SMC5: variants seen among roughly 807,000 people sequenced by gnomAD.
SMC5 encodes structural maintenance of chromosomes protein 5.
A neutral mutation model predicts 148.3 loss-of-function variants in SMC5; 88 were observed. The observed-to-expected ratio is 0.59, with a 90% CI of 0.50 to 0.71. The LOEUF is 0.71. Among genes scored for constraint, SMC5 ranks in the 30% least tolerant of loss-of-function variants. SMC5 has a pLI of 0.00. For synonymous variants in SMC5, 421 were observed against 432.8 expected (o/e 0.97, Z 0.34); for missense variants, 1,142 against 1,298.9 (o/e 0.88, Z 1.86).
chr9:70,271,941 A>T (rs1482281949), intron 3 of SMC5, among the ~76,000 whole-genome samples: 1 of 152,250 alleles, frequency 6.6e-6, no homozygotes. Context: ...GTTGGCATTT[A>T]TTCTGCATAA....
chr9:70,272,541 C>T (rs2034480957), intron 3 of SMC5, among the ~76,000 whole-genome samples: 1 of 151,974 alleles, frequency 6.6e-6, no homozygotes, highest in South Asian at 2.1e-4. Context: ...AGCGAGACTC[C>T]ATCTCCACAC....
At chr9:70,292,862 G>T (rs1449047552) in intron 8 of SMC5, among the ~76,000 whole-genome samples, 1 of 152,092 alleles carries the variant, frequency 6.6e-6, no homozygotes, top group Non-Finnish European at 1.5e-5. Context: ...CCACTTGGTT[G>T]TGGTGTATAA....
chr9:70,296,157 C>A (rs1311070005), intron 8 of SMC5, among the ~76,000 whole-genome samples: 1 of 151,986 alleles, frequency 6.6e-6, no homozygotes, highest in Non-Finnish European at 1.5e-5. Flanking sequence ...TGTGGTATAT[C>A]CATATCAGAG....
rs759785349 is a variant in SMC5, at chr9:70,318,842, C to T, written c.2029C>T (p.Arg677Cys). The T allele has an allele frequency of 1.1e-5, 18 of 1,607,010 alleles. No individual in the cohort carries two copies. The highest frequency in any genetic ancestry group is 1.7e-4 in the Middle Eastern group (1 of 5,938). ...QAVDSGLIALRETSKHLEHKD... is the reference protein window; with the variant it reads ...QAVDSGLIALCETSKHLEHKD... ...AGTGGATTCAGGGTTGATTGCCTTA[C>T]GTGAAACAAGCAAACATCTGGAGCA... Residue 677 changes from arginine (R) to cysteine (C), a missense_variant, in exon 15 of 25, where the codon CGT becomes TGT. Physicochemically the swap from Arg to Cys is radical, Grantham distance 180. This residue lies in a region of SMC5 where 743 missense variants were observed against 835.7 expected (regional missense o/e 0.89). Coordinates refer to ENST00000361138, the MANE Select transcript of SMC5 (RefSeq NM_015110.4).
intron 14 of SMC5, 34 bp downstream of exon 14, chr9:70,318,721 T>A: frequency 6.4e-7 from 1 of 1,562,128 alleles, no homozygotes; most frequent in Non-Finnish European, 8.6e-7. Flanking sequence ...TAGAAAAGAA[T>A]ATTAACTGGA....
chr9:70,292,170 T>G (rs2035080931), intron 8 of SMC5, among the ~76,000 whole-genome samples: 1 of 149,304 alleles, frequency 6.7e-6, no homozygotes, highest in South Asian at 2.1e-4. Flanking sequence ...TGGAGTTCCT[T>G]ACTTCACCAT....
intron 11 of SMC5, 147 bp downstream of exon 11, chr9:70,305,507 C>A: frequency 1.8e-6 from 1 of 547,448 alleles, no homozygotes; most frequent in Non-Finnish European, 3.3e-6. Context: ...TAATTTCTTT[C>A]CTATTTATGG....
At chr9:70,322,820 A>G (rs552068106) in intron 15 of SMC5, among the ~76,000 whole-genome samples, 1 of 152,310 alleles carries the variant, frequency 6.6e-6, no homozygotes, top group South Asian at 2.1e-4. Context: ...AGGCAAAAGA[A>G]TAAGACTCCT....
At chr9:70,334,242 C>A (rs1239285363) in intron 17 of SMC5, among the ~76,000 whole-genome samples, 3 of 150,798 alleles carry the variant, frequency 2.0e-5, no homozygotes, top group Non-Finnish European at 4.4e-5. Flanking sequence ...ATGAACTATA[C>A]CCTTACCTCG....
At chr9:70,294,685 G>A (rs1464000851) in intron 8 of SMC5, among the ~76,000 whole-genome samples, 3 of 152,140 alleles carry the variant, frequency 2.0e-5, no homozygotes, top group African/African-American at 7.2e-5. Context: ...GTATGATTTG[G>A]GGGGCTTTAT....
At chr9:70,308,274 T>C (rs58720670) in intron 11 of SMC5, among the ~76,000 whole-genome samples, 32,113 of 151,906 alleles carry the variant, frequency 0.21, 3,532 homozygotes, top group South Asian at 0.28. Context: ...ATTTAGTAAT[T>C]TGTTCAAGCC....
At position 70,348,088 on chromosome 9, in the gene SMC5, A is replaced by C. The variant is rs750163718; in HGVS notation, c.2889+50A>C. The C allele has an allele frequency of 1.4e-5, 20 of 1,394,780 alleles. No individual in the cohort carries two copies. In the South Asian group the frequency reaches 2.5e-4, roughly 18 times the overall value. The allele number at this position is 1,394,780 out of a possible 1,614,324, so 86.4% of individuals were successfully genotyped here. A position where few individuals can be genotyped will look rare whatever the true frequency, so the allele number is the denominator to read the frequency against. Reference sequence around the variant, plus strand: ...ATATTTCTGGCAAATAATTTTAATTATATGCTTAAAGTACATATAAATTAT... The same window carrying C: ...ATATTTCTGGCAAATAATTTTAATTCTATGCTTAAAGTACATATAAATTAT... On this transcript the variant is annotated intron_variant, in intron 22 of 24. Transcript: ENST00000361138.
In SMC5 at chr9:70,263,813, A is replaced by G. The variant is rs59887589; in HGVS notation, c.186-491A>G. On this transcript the variant is annotated intron_variant, in intron 1 of 24. Transcript: ENST00000361138. Reference sequence around the variant, plus strand: ...AAAATAATTTTTAAAAGTTAATAAAATGAAACCTTTGGGTTGAGATATATC... The same window carrying G: ...AAAATAATTTTTAAAAGTTAATAAAGTGAAACCTTTGGGTTGAGATATATC... Among the ~76,000 whole-genome samples, 507 of 152,332 alleles carry G rather than the reference A, an allele frequency of 3.3e-3. 20 individuals carry two copies. The East Asian group carries it at 0.084, about 25-fold the overall frequency.
In SMC5 at chr9:70,347,309, A is replaced by C. The variant is rs1372086019; in HGVS notation, c.2664+148A>C. The C allele has an allele frequency of 1.5e-5, 9 of 596,470 alleles. No individual in the cohort carries two copies. The South Asian group carries it at 1.5e-4, about 10-fold the overall frequency. The allele number at this position is 596,470 out of a possible 1,614,324, so 36.9% of individuals were successfully genotyped here. A position where few individuals can be genotyped will look rare whatever the true frequency, so the allele number is the denominator to read the frequency against. On this transcript the variant is annotated intron_variant, in intron 20 of 24. Coordinates refer to ENST00000361138, the MANE Select transcript of SMC5 (RefSeq NM_015110.4). ...TAATAATAAGCTAGACAGCAGGAAC[A>C]ATGTACTTTAAATGCCAGATTCTGA...
chr9:70,287,496 T>G (rs1049078997), intron 8 of SMC5, among the ~76,000 whole-genome samples: 30 of 152,190 alleles, frequency 2.0e-4, no homozygotes, highest in African/African-American at 7.2e-4. Flanking sequence ...GTGTTTCTAT[T>G]CTTCAGGACC....
At chr9:70,314,863 T>C (rs756304799) in intron 12 of SMC5, 27 bp downstream of exon 12, 27 of 1,218,490 alleles carry the variant, frequency 2.2e-5, no homozygotes, top group South Asian at 1.5e-4. Flanking sequence ...CTAAGATTTA[T>C]TTAAATATTG....
intron 3 of SMC5, 70 bp downstream of exon 3, chr9:70,268,045 G>T: frequency 1.7e-6 from 2 of 1,205,206 alleles, no homozygotes; most frequent in South Asian, 2.7e-5. Context: ...TTTTCCTGAT[G>T]ATTAGAAAAG....
At chr9:70,324,877 C>T (rs943389922) in intron 17 of SMC5, among the ~76,000 whole-genome samples, 2 of 152,164 alleles carry the variant, frequency 1.3e-5, no homozygotes, top group African/African-American at 4.8e-5. Flanking sequence ...CACAGGGCAA[C>T]CAACATTTTG....
chr9:70,292,416 T>C (rs547891959), intron 8 of SMC5, among the ~76,000 whole-genome samples: 1 of 152,292 alleles, frequency 6.6e-6, no homozygotes, highest in South Asian at 2.1e-4. Flanking sequence ...GTAGATATTT[T>C]GGGAGTTTCT....
Sources: allele counts gnomAD v4.1 joint callset (sites outside exome capture counted in the v4.1 genomes callset), GRCh38; gene constraint gnomAD v4.1.1; regional missense constraint gnomAD v4.1.1; transcripts MANE v1.5; gene names NCBI Gene and HGNC (gene_info 2026-07-23, HGNC 2026-07-21).